ST18: variants seen among roughly 807,000 people sequenced by gnomAD.
ST18 encodes ST18 C2H2C-type zinc finger transcription factor.
ST18 carries 50 observed loss-of-function variants against 110.0 expected under a neutral mutation model. The ratio of observed to expected loss-of-function variants is 0.45; its 90% CI spans 0.36 to 0.58. The LOEUF (loss-of-function observed/expected upper bound fraction) is 0.58. Ranked by LOEUF, ST18 falls within the 20% of genes least tolerant of loss-of-function variation. The pLI is 0.00. For synonymous variants in ST18, 461 were observed against 452.4 expected (o/e 1.02, Z -0.24); for missense variants, 1,306 against 1,280.1 (o/e 1.02, Z -0.31).
intron 2 of ST18, among the ~76,000 whole-genome samples, chr8:52,397,807 A>T (rs1249724571): frequency 6.6e-6 from 1 of 152,106 alleles, no homozygotes. Flanking sequence ...ACTGGTCTAT[A>T]GTTCTGTTTT....
chr8:52,308,344 C>T (rs147816382), intron 2 of ST18, among the ~76,000 whole-genome samples: 1,589 of 152,292 alleles, frequency 0.01, 22 homozygotes, highest in Middle Eastern at 0.027. Flanking sequence ...TTGTACTATA[C>T]GTTTTCTCAC....
At chr8:52,208,787 T>C (rs373976450) in intron 8 of ST18, among the ~76,000 whole-genome samples, 18 of 152,256 alleles carry the variant, frequency 1.2e-4, no homozygotes, top group Admixed American at 2.6e-4. Context: ...CACTGCACTC[T>C]AGCCTGGGCG....
At chr8:52,352,981 T>C (rs907995248) in intron 2 of ST18, among the ~76,000 whole-genome samples, 1 of 152,230 alleles carries the variant, frequency 6.6e-6, no homozygotes, top group African/African-American at 2.4e-5. Flanking sequence ...CCAGCTACTA[T>C]GGTAGACTCA....
intron 2 of ST18, among the ~76,000 whole-genome samples, chr8:52,258,054 G>T (rs1184497933): frequency 7.3e-6 from 1 of 136,780 alleles, no homozygotes; most frequent in African/African-American, 2.8e-5. Flanking sequence ...CTATTGAACT[G>T]CTTTGACACC....
At chr8:52,289,165 T>C (rs1206592629) in intron 2 of ST18, among the ~76,000 whole-genome samples, 1 of 152,208 alleles carries the variant, frequency 6.6e-6, no homozygotes. Context: ...AGGGTTGAAT[T>C]CTGCAAGAAA....
chr8:52,310,707 T>C (rs1446681974), intron 2 of ST18, among the ~76,000 whole-genome samples: 1 of 152,198 alleles, frequency 6.6e-6, no homozygotes, highest in Non-Finnish European at 1.5e-5. Flanking sequence ...CCCAACCTTC[T>C]CTTCCTCTCT....
intron 2 of ST18, among the ~76,000 whole-genome samples, chr8:52,372,970 A>G (rs1423490562): frequency 1.3e-5 from 2 of 152,232 alleles, no homozygotes; most frequent in African/African-American, 4.8e-5. Context: ...AAACACCGTG[A>G]AAAGTTTTGT....
At chr8:52,239,759 T>C (rs2093190181) in intron 2 of ST18, among the ~76,000 whole-genome samples, 1 of 152,088 alleles carries the variant, frequency 6.6e-6, no homozygotes, top group African/African-American at 2.4e-5. Flanking sequence ...TTCTTTCTTA[T>C]AGGACCCCAG....
intron 8 of ST18, among the ~76,000 whole-genome samples, chr8:52,180,870 A>G (rs542720638): frequency 1.3e-5 from 2 of 152,228 alleles, no homozygotes; most frequent in Non-Finnish European, 2.9e-5. Flanking sequence ...TCAAACACAA[A>G]AAAAGTGGAA....
chr8:52,113,447 AG>A (rs1210232313), intron 25 of ST18, 109 bp from the exon 26 acceptor site: 1 of 1,311,616 alleles, frequency 7.6e-7, no homozygotes, highest in Non-Finnish European at 1.1e-6. Context: ...AGGGAAGGCA[AG>A]GGTGCATATG....
intron 2 of ST18, among the ~76,000 whole-genome samples, chr8:52,267,326 G>A (rs1443395756): frequency 1.3e-5 from 2 of 151,900 alleles, no homozygotes; most frequent in Non-Finnish European, 2.9e-5. Context: ...GAATATGTAG[G>A]AGTACGCAGG....
At chr8:52,230,985 A>G (rs2091172553) in intron 2 of ST18, among the ~76,000 whole-genome samples, 1 of 152,204 alleles carries the variant, frequency 6.6e-6, no homozygotes, top group Non-Finnish European at 1.5e-5. Flanking sequence ...GATTCAAGGT[A>G]AAAAACAACC....
intron 2 of ST18, among the ~76,000 whole-genome samples, chr8:52,341,718 A>G (rs919751523): frequency 2.0e-5 from 3 of 152,212 alleles, no homozygotes; most frequent in South Asian, 2.1e-4. Context: ...ATTCACTTTG[A>G]TAGAATAGTG....
chr8:52,372,541 C>G (rs1564603788), intron 2 of ST18, among the ~76,000 whole-genome samples: 1 of 152,234 alleles, frequency 6.6e-6, no homozygotes, highest in African/African-American at 2.4e-5. Context: ...CAACTTCCAT[C>G]CTGCACCTCC....
rs565094601 is a variant in ST18 at position 52,318,432 on chromosome 8, G to C, written c.-464-88355C>G. Among the ~76,000 whole-genome samples, 12 of 152,244 alleles carry C rather than the reference G, an allele frequency of 7.9e-5. No homozygotes were observed. In the South Asian group the frequency reaches 8.3e-4, roughly 11 times the overall value. On this transcript the variant is annotated intron_variant, in intron 2 of 25. Transcript: ENST00000689386. Reference sequence around the variant, plus strand: ...GGCAACGTTGTGGAGAAAAAGGAACGCTTTTACACTGTTGGTGGGAGTGTA... The same window carrying C: ...GGCAACGTTGTGGAGAAAAAGGAACCCTTTTACACTGTTGGTGGGAGTGTA...
Position 52,136,574 on chromosome 8 carries a change from C to T in ST18, c.2300+16G>A, listed in dbSNP as rs1249519819. The T allele has an allele frequency of 3.4e-5, 54 of 1,605,598 alleles. No homozygotes were observed. The highest frequency in any genetic ancestry group is 4.4e-5 in the Non-Finnish European group (52 of 1,176,322). On this transcript the variant is annotated intron_variant, in intron 19 of 25. Coordinates refer to ENST00000689386, the MANE Select transcript of ST18 (RefSeq NM_001352837.2). ...GTGTGGATGAAGGGCAAGCCGGCCACGCTTCCCGCACTTACTTAAGCTCCT... is the reference window on the plus strand; with the variant it reads ...GTGTGGATGAAGGGCAAGCCGGCCATGCTTCCCGCACTTACTTAAGCTCCT...
intron 2 of ST18, among the ~76,000 whole-genome samples, chr8:52,378,931 T>C (rs866711226): frequency 1.1e-4 from 17 of 152,202 alleles, no homozygotes; most frequent in Admixed American, 3.9e-4. Context: ...ACAGTCATTA[T>C]GAGCTGCTGC....
At chr8:52,334,365 T>C (rs181123133) in intron 2 of ST18, among the ~76,000 whole-genome samples, 23 of 152,318 alleles carry the variant, frequency 1.5e-4, no homozygotes, top group African/African-American at 5.5e-4. Context: ...TTTACAATTG[T>C]TCTTACTAGT....
At chr8:52,395,069 T>A (rs2141019961) in intron 2 of ST18, among the ~76,000 whole-genome samples, 4 of 152,246 alleles carry the variant, frequency 2.6e-5, no homozygotes, top group Admixed American at 2.6e-4. Flanking sequence ...TTGGAAAAAT[T>A]CTATCAGAGA....
Sources: allele counts gnomAD v4.1 joint callset (sites outside exome capture counted in the v4.1 genomes callset), GRCh38; gene constraint gnomAD v4.1.1; transcripts MANE v1.5; gene names NCBI Gene and HGNC (gene_info 2026-07-23, HGNC 2026-07-21).